The following RFXAP variants were observed in gnomAD, a reference collection of about 807,000 sequenced individuals.
RFXAP encodes regulatory factor X associated protein.
In RFXAP, 21 loss-of-function variants were observed where a neutral mutation model predicts 25.7. The observed-to-expected ratio is 0.82, with a 90% CI of 0.58 to 1.18. The LOEUF (loss-of-function observed/expected upper bound fraction) is 1.18. Ranked by LOEUF, RFXAP falls within the 50% of genes most tolerant of loss-of-function variation. The probability of loss-of-function intolerance (pLI) is 0.00; values close to 1 mark genes in which losing one functional copy is unlikely to be tolerated. For synonymous variants in RFXAP, 161 were observed against 152.2 expected (o/e 1.06, Z -0.43); for missense variants, 333 against 363.0 (o/e 0.92, Z 0.67).
Position 36,827,819 on chromosome 13 carries a change from C to G in RFXAP, c.*66C>G. The stretch of plus-strand genomic sequence containing the variant: ...TGTAATAGATGAGCATATTTTTTTA[C>G]CAGACATAAATGGGGTAATAATCTA... On this transcript the variant is annotated 3_prime_UTR_variant, in exon 3 of 3. Coordinates refer to ENST00000255476, the MANE Select transcript of RFXAP (RefSeq NM_000538.4). 1 of 1,269,816 alleles carries G rather than the reference C, an allele frequency of 7.9e-7. No homozygotes were observed. Among genetic ancestry groups the G allele is most frequent in the Non-Finnish European group, 1.1e-6 (1 of 873,506 alleles). 78.7% of individuals were successfully genotyped at this position (1,269,816 alleles called of 1,614,324 possible).
At position 36,819,792 on chromosome 13, in the gene RFXAP, C is replaced by T; in HGVS notation, c.435C>T (p.Gly145=). Residue 145 remains glycine (G), a synonymous_variant, in exon 1 of 3, where the codon GGC becomes GGT. Transcript: ENST00000255476. ...GSMSKTCTYE[G]CSETTSQVAK... ...TGAGCAAGACCTGCACCTACGAAGG[C>T]TGCAGCGAGACCACGAGCCAGGTGG... The T allele has an allele frequency of 1.3e-6, 2 of 1,581,426 alleles. No individual in the cohort carries two copies. The highest frequency in any genetic ancestry group is 2.3e-5 in the East Asian group (1 of 43,124).
rs10573140 is a variant in RFXAP, at chr13:36,821,214, TAAAAA to T, written c.600+1281_600+1285del. Among the ~76,000 whole-genome samples the T allele has an allele frequency of 7.7e-4, 81 of 104,836 alleles. 1 individual carries two copies. The highest frequency in any genetic ancestry group is 2.0e-3 in the African/African-American group (52 of 26,488). The allele number at this position is 104,836 out of a possible 152,430, so 68.8% of individuals were successfully genotyped here. A position where few individuals can be genotyped will look rare whatever the true frequency, so the allele number is the denominator to read the frequency against. ...ATGACATAGCAAGACCCTGTCTCCTTAAAAAAAAAAAAAAAAAAAAAAAAAAAATT... is the reference window on the plus strand; with the variant it reads ...ATGACATAGCAAGACCCTGTCTCCTTAAAAAAAAAAAAAAAAAAAAAAATT... On this transcript the variant is annotated intron_variant, in intron 1 of 2. Transcript: ENST00000255476.
intron 2 of RFXAP, among the ~76,000 whole-genome samples, chr13:36,826,901 T>G (rs1566320917): frequency 6.6e-6 from 1 of 152,090 alleles, no homozygotes; most frequent in Non-Finnish European, 1.5e-5. Flanking sequence ...TGTGGCAGGA[T>G]GATTGCTTGA....
chr13:36,819,456 G>T lies in RFXAP; in HGVS notation c.99G>T (p.Ala33=). 1 of 1,505,394 alleles carries T rather than the reference G, an allele frequency of 6.6e-7. No homozygotes were observed. The allele number at this position is 1,505,394 out of a possible 1,614,324, so 93.3% of individuals were successfully genotyped here. The change falls in exon 1 of 3, where the codon GCG becomes GCT. Residue 33 remains alanine, a synonymous_variant. Coordinates refer to ENST00000255476, the MANE Select transcript of RFXAP (RefSeq NM_000538.4). ...CCCCGGCTGCGGCTCCCACCTTGGC[G>T]CCAGCCTCGGTGGCGGCCGCGGCCT... is the stretch of plus-strand genomic sequence containing the variant. ...ALAPAAAPTL[A]PASVAAAASQ... is the part of the protein sequence containing the mutation.
chr13:36,823,865 A>G (rs2057970313), intron 1 of RFXAP, among the ~76,000 whole-genome samples: 2 of 152,182 alleles, frequency 1.3e-5, no homozygotes, highest in African/African-American at 2.4e-5. Flanking sequence ...ATCATTTAAG[A>G]GAAGCAGTAG....
At chr13:36,822,614 G>A (rs190544486) in intron 1 of RFXAP, among the ~76,000 whole-genome samples, 3 of 152,028 alleles carry the variant, frequency 2.0e-5, no homozygotes, top group East Asian at 1.9e-4. Flanking sequence ...GGCTGGCCTC[G>A]AATTCCTGGG....
Position 36,819,804 on chromosome 13 carries a change from C to G in RFXAP, c.447C>G (p.Thr149=). The G allele has an allele frequency of 6.3e-7, 1 of 1,592,360 alleles. No individual in the cohort carries two copies. Among genetic ancestry groups the G allele is most frequent in the East Asian group, 2.3e-5 (1 of 43,894 alleles). ...GCACCTACGAAGGCTGCAGCGAGAC[C>G]ACGAGCCAGGTGGCCAAGCAGCGCA... ...KTCTYEGCSE[T]TSQVAKQRKP... The change falls in exon 1 of 3, where the codon ACC becomes ACG. Residue 149 remains threonine (T), a synonymous_variant. Coordinates refer to ENST00000255476, the MANE Select transcript of RFXAP (RefSeq NM_000538.4).
rs750527279 is a variant in RFXAP, at chr13:36,827,696, A to G, written c.762A>G (p.Leu254=). The change falls in exon 3 of 3, where the codon CTA becomes CTG. Residue 254 remains leucine (L), a synonymous_variant. Coordinates refer to ENST00000255476, the MANE Select transcript of RFXAP (RefSeq NM_000538.4). Reference sequence around the variant, plus strand: ...AATTTTTACAGAAACAGCAACAGCTATTAAATCAGCAAGTTTTGGAGCAAA... The same window carrying G: ...AATTTTTACAGAAACAGCAACAGCTGTTAAATCAGCAAGTTTTGGAGCAAA... ...VVQFLQKQQQ[L]LNQQVLEQRQ... 1.9e-6 allele frequency: 3 copies of G among 1,613,878 alleles called. No individual in the cohort carries two copies. Among genetic ancestry groups the G allele is most frequent in the Non-Finnish European group, 2.5e-6 (3 of 1,179,850 alleles).
At position 36,827,908 on chromosome 13, in the gene RFXAP, G is replaced by A; in HGVS notation, c.*155G>A. On this transcript the variant is annotated 3_prime_UTR_variant, in exon 3 of 3. Transcript: ENST00000255476. Reference sequence around the variant, plus strand: ...GTGCATTTGGGGATAAGTAAGTATTGCACTTTGTGCATCTAATCTTTCAGA... The same window carrying A: ...GTGCATTTGGGGATAAGTAAGTATTACACTTTGTGCATCTAATCTTTCAGA... 1.6e-6 allele frequency: 1 copy of A among 622,140 alleles called. No homozygotes were observed. Among genetic ancestry groups the A allele is most frequent in the Non-Finnish European group, 2.9e-6 (1 of 349,366 alleles). The allele number at this position is 622,140 out of a possible 1,614,324, so 38.5% of individuals were successfully genotyped here.
rs2057974935 is a variant in RFXAP at position 36,825,414 on chromosome 13, A to G, written c.601-14A>G. ...TAACTGTTTATCTATTTGCATTTTT[A>G]TCATTTATCCCAGGAAAGTGCAGAT... is the stretch of plus-strand genomic sequence containing the variant. On this transcript the variant is annotated splice_polypyrimidine_tract_variant and intron_variant, in intron 1 of 2. Coordinates refer to ENST00000255476, the MANE Select transcript of RFXAP (RefSeq NM_000538.4). 2 of 1,575,792 alleles carry G rather than the reference A, an allele frequency of 1.3e-6. No homozygotes were observed. Among genetic ancestry groups the G allele is most frequent in the Non-Finnish European group, 1.7e-6 (2 of 1,146,640 alleles).
At chr13:36,822,247 C>T (rs1020190854) in intron 1 of RFXAP, among the ~76,000 whole-genome samples, 9 of 151,942 alleles carry the variant, frequency 5.9e-5, no homozygotes, top group African/African-American at 1.4e-4. Context: ...TGCACCACCA[C>T]GCCCGGCTAA....
At chr13:36,820,444 C>G (rs1039527841) in intron 1 of RFXAP, among the ~76,000 whole-genome samples, 1 of 152,154 alleles carries the variant, frequency 6.6e-6, no homozygotes, top group Non-Finnish European at 1.5e-5. Flanking sequence ...TAACCCTCTT[C>G]CTAGTACCGT....
At chr13:36,824,139 A>C (rs1301332080) in intron 1 of RFXAP, among the ~76,000 whole-genome samples, 1 of 152,168 alleles carries the variant, frequency 6.6e-6, no homozygotes, top group African/African-American at 2.4e-5. Context: ...TATCTAATTC[A>C]GTATCTAATA....
rs1266471982 is a variant in RFXAP, at chr13:36,828,022, G to GTTACTGAAGTCA, written c.*278_*279insTCATTACTGAAG. 1 of 375,542 alleles carries GTTACTGAAGTCA rather than the reference G, an allele frequency of 2.7e-6. No individual in the cohort carries two copies. Among genetic ancestry groups the GTTACTGAAGTCA allele is most frequent in the Non-Finnish European group, 4.9e-6 (1 of 206,070 alleles). 23.3% of individuals were successfully genotyped at this position (375,542 alleles called of 1,614,324 possible). A position where few individuals can be genotyped will look rare whatever the true frequency, so the allele number is the denominator to read the frequency against. On this transcript the variant is annotated 3_prime_UTR_variant, in exon 3 of 3. Coordinates refer to ENST00000255476, the MANE Select transcript of RFXAP (RefSeq NM_000538.4). ...AAAAATATATTCCTCTTCAGTCATTGTTACTGAAGGTAATGAAGCAGTTAC... is the reference window on the plus strand; with the variant it reads ...AAAAATATATTCCTCTTCAGTCATTGTTACTGAAGTCATTACTGAAGGTAATGAAGCAGTTAC...
rs887069922 is a variant in RFXAP at position 36,828,930 on chromosome 13, C to T, written c.*1177C>T. The T allele has an allele frequency of 6.6e-6, 1 of 152,166 alleles. No homozygotes were observed. 9.4% of individuals were successfully genotyped at this position (152,166 alleles called of 1,614,324 possible). ...AGTTTAACTCTACAAAAATTTGTTA[C>T]TTGTTTTTTAAACTCTATATATAAA... On this transcript the variant is annotated 3_prime_UTR_variant, in exon 3 of 3. Transcript: ENST00000255476.
rs2057983244 is a variant in RFXAP at position 36,827,810 on chromosome 13, AT to A, written c.*64del. ...TTATCTTATTGTAATAGATGAGCAT[AT>A]TTTTTTACCAGACATAAATGGGGTA... On this transcript the variant is annotated 3_prime_UTR_variant, in exon 3 of 3. Coordinates refer to ENST00000255476, the MANE Select transcript of RFXAP (RefSeq NM_000538.4). 4 of 1,353,006 alleles carry A rather than the reference AT, an allele frequency of 3.0e-6. No individual in the cohort carries two copies. The highest frequency in any genetic ancestry group is 1.5e-5 in the African/African-American group (1 of 68,960). 83.8% of individuals were successfully genotyped at this position (1,353,006 alleles called of 1,614,324 possible). A position where few individuals can be genotyped will look rare whatever the true frequency, so the allele number is the denominator to read the frequency against.
rs763877271 is a variant in RFXAP, at chr13:36,819,831, AC to A, written c.476del (p.Pro159ArgfsTer25). 1.9e-6 allele frequency: 3 copies of A among 1,604,914 alleles called. No individual in the cohort carries two copies. The highest frequency in any genetic ancestry group is 2.6e-6 in the Non-Finnish European group (3 of 1,175,338). On this transcript the variant is annotated frameshift_variant, in exon 1 of 3. Coordinates refer to ENST00000255476, the MANE Select transcript of RFXAP (RefSeq NM_000538.4). LOFTEE classifies it high-confidence loss of function. Reference sequence around the variant, plus strand: ...CGAGCCAGGTGGCCAAGCAGCGCAAACCGTGGATGTGCAAGAAACACCGCAA... The same window carrying A: ...CGAGCCAGGTGGCCAAGCAGCGCAAACGTGGATGTGCAAGAAACACCGCAA... The part of the protein sequence containing the change: ...TTSQVAKQRK[P>X]WMCKKHRNKM...
At chr13:36,824,971 T>G (rs1450793601) in intron 1 of RFXAP, among the ~76,000 whole-genome samples, 1 of 152,190 alleles carries the variant, frequency 6.6e-6, no homozygotes, top group East Asian at 1.9e-4. Context: ...TTGAGCAGTA[T>G]ATAATTTGCC....
chr13:36,823,691 A>G (rs1454381927), intron 1 of RFXAP, among the ~76,000 whole-genome samples: 1 of 152,212 alleles, frequency 6.6e-6, no homozygotes, highest in Non-Finnish European at 1.5e-5. Flanking sequence ...GGTATCTAAA[A>G]TTAATATTTC....
Sources: allele counts gnomAD v4.1 joint callset (sites outside exome capture counted in the v4.1 genomes callset), GRCh38; gene constraint gnomAD v4.1.1; transcripts MANE v1.5; gene names NCBI Gene and HGNC (gene_info 2026-07-23, HGNC 2026-07-21).